PTPN12: variants seen among roughly 807,000 people sequenced by gnomAD.
The protein encoded by PTPN12 is tyrosine-protein phosphatase non-receptor type 12.
A neutral mutation model predicts 97.6 loss-of-function variants in PTPN12; 29 were observed. The observed-to-expected ratio is 0.30, with a 90% confidence interval of 0.22 to 0.41. PTPN12 has a LOEUF of 0.41. Among genes scored for constraint, PTPN12 ranks in the 10% least tolerant of loss-of-function variants. PTPN12 has a pLI of 1.00. For synonymous variants in PTPN12, 327 were observed against 300.4 expected (o/e 1.09, Z -0.91); for missense variants, 819 against 926.0 (o/e 0.88, Z 1.50).
chr7:77,567,243 T>C (rs1229584802), intron 1 of PTPN12, among the ~76,000 whole-genome samples: 1 of 151,092 alleles, frequency 6.6e-6, no homozygotes, highest in East Asian at 1.9e-4. Context: ...CTTAATCTGG[T>C]GGTAATTTTG....
At chr7:77,598,119 C>G (rs1002706015) in intron 7 of PTPN12, among the ~76,000 whole-genome samples, 2 of 152,076 alleles carry the variant, frequency 1.3e-5, no homozygotes, top group Non-Finnish European at 2.9e-5. Flanking sequence ...CCCACTCACT[C>G]AGAAGGCTGA....
intron 8 of PTPN12, among the ~76,000 whole-genome samples, chr7:77,604,525 T>TGG (rs1788297806): frequency 6.6e-6 from 1 of 152,080 alleles, no homozygotes; most frequent in Non-Finnish European, 1.5e-5. Context: ...CATCTTTTAA[T>TGG]AGTTATACAA....
intron 16 of PTPN12, among the ~76,000 whole-genome samples, chr7:77,637,480 A>G (rs1188277542): frequency 6.6e-6 from 1 of 152,210 alleles, no homozygotes; most frequent in Non-Finnish European, 1.5e-5. Flanking sequence ...AATGAATTTT[A>G]GTAGTTAACA....
chr7:77,542,830 A>G (rs1401890737), intron 1 of PTPN12, among the ~76,000 whole-genome samples: 1 of 152,230 alleles, frequency 6.6e-6, no homozygotes, highest in Admixed American at 6.5e-5. Context: ...GACATCCAGT[A>G]GAAATGTAGA....
chr7:77,626,778 A>ACACCTTCTCCCCCTT lies in PTPN12; in HGVS notation c.1102_1116dup (p.Pro368_Ser372dup). The ACACCTTCTCCCCCTT allele has an allele frequency of 1.2e-6, 2 of 1,613,900 alleles. No individual in the cohort carries two copies. The highest frequency in any genetic ancestry group is 1.7e-6 in the Non-Finnish European group (2 of 1,179,860). On this transcript the variant is annotated inframe_insertion, in exon 13 of 18. Transcript: ENST00000248594. ...ACCTCATCCAGTGCCACCCATCTTG[A>ACACCTTCTCCCCCTT]CACCTTCTCCCCCTTCAGCTTTTCC...
intron 1 of PTPN12, among the ~76,000 whole-genome samples, chr7:77,554,193 G>A (rs1161486215): frequency 1.3e-5 from 2 of 152,092 alleles, no homozygotes; most frequent in Non-Finnish European, 2.9e-5. Context: ...TCAAACTCCT[G>A]GCCTCAAGCA....
chr7:77,588,760 T>C (rs1306546674), intron 5 of PTPN12, among the ~76,000 whole-genome samples: 5 of 152,220 alleles, frequency 3.3e-5, no homozygotes, highest in Admixed American at 2.0e-4. Flanking sequence ...ACTAGAATGC[T>C]ATCTATGGAC....
intron 17 of PTPN12, 134 bp downstream of exon 17, chr7:77,638,865 A>G: frequency 1.5e-6 from 2 of 1,301,694 alleles, no homozygotes; most frequent in Non-Finnish European, 2.0e-6. Context: ...CTAGTCATGA[A>G]ATAAATGAAA....
chr7:77,599,147 C>T (rs963594611), intron 7 of PTPN12, among the ~76,000 whole-genome samples: 5 of 151,808 alleles, frequency 3.3e-5, no homozygotes, highest in African/African-American at 1.2e-4. Context: ...GTTATACCTT[C>T]TTTGCAGCAA....
In PTPN12 at chr7:77,583,665, T is replaced by C. The variant is rs373274797; in HGVS notation, c.381+15T>C. 2.7e-5 allele frequency: 40 copies of C among 1,485,260 alleles called. No homozygotes were observed. In the African/African-American group the frequency reaches 5.0e-4, roughly 19 times the overall value. The allele number at this position is 1,485,260 out of a possible 1,614,324, so 92.0% of individuals were successfully genotyped here. On this transcript the variant is annotated intron_variant, in intron 4 of 17. Coordinates refer to ENST00000248594, the MANE Select transcript of PTPN12 (RefSeq NM_002835.4). ...ATAATGTTGTGGTAAGTAATTTACT[T>C]TTCACAATAAATTTTGAGAAATACT...
intron 8 of PTPN12, among the ~76,000 whole-genome samples, chr7:77,604,302 G>A (rs1005490990): frequency 7.8e-6 from 1 of 127,536 alleles, no homozygotes; most frequent in Non-Finnish European, 1.5e-5. Context: ...TGCAACCTCT[G>A]CCTCCTGGGT....
intron 9 of PTPN12, 60 bp downstream of exon 9, chr7:77,607,361 T>A: frequency 8.3e-7 from 1 of 1,206,778 alleles, no homozygotes. Context: ...TCAAACTTAA[T>A]TATAATTGCA....
At chr7:77,561,662 T>G (rs1352422138) in intron 1 of PTPN12, among the ~76,000 whole-genome samples, 1 of 152,170 alleles carries the variant, frequency 6.6e-6, no homozygotes, top group African/African-American at 2.4e-5. Flanking sequence ...TTGGGAGTCT[T>G]TGTTTTATAT....
rs932653345 is a variant in PTPN12, at chr7:77,637,176, G to C, written c.2173+128G>C. On this transcript the variant is annotated intron_variant, in intron 16 of 17. Coordinates refer to ENST00000248594, the MANE Select transcript of PTPN12 (RefSeq NM_002835.4). ...TGTGAAAATGTCTAGGACAACTCTTGTAGAAGCTTAATATTGTACTATAAT... is the reference window on the plus strand; with the variant it reads ...TGTGAAAATGTCTAGGACAACTCTTCTAGAAGCTTAATATTGTACTATAAT... 5.4e-5 allele frequency: 38 copies of C among 707,974 alleles called. No homozygotes were observed. In the South Asian group the frequency reaches 6.7e-4, roughly 12 times the overall value. The allele number at this position is 707,974 out of a possible 1,614,324, so 43.9% of individuals were successfully genotyped here. A position where few individuals can be genotyped will look rare whatever the true frequency, so the allele number is the denominator to read the frequency against.
At chr7:77,639,169 T>A in intron 17 of PTPN12, 50 bp from the exon 18 acceptor site, 7 of 1,413,292 alleles carry the variant, frequency 5.0e-6, no homozygotes, top group Non-Finnish European at 6.9e-6. Flanking sequence ...TTTTAGTAGT[T>A]TGAAAGTATT....
chr7:77,570,136 GA>G (rs1319265364), intron 1 of PTPN12, among the ~76,000 whole-genome samples: 2 of 151,968 alleles, frequency 1.3e-5, no homozygotes, highest in Non-Finnish European at 2.9e-5. Context: ...TTATCATAAA[GA>G]AAAAAATGTA....
rs751962814 is a variant in PTPN12, at chr7:77,605,409, GTTTTTTTTT to G, written c.696-1806_696-1798del. Among the ~76,000 whole-genome samples the G allele has an allele frequency of 2.5e-3, 235 of 95,536 alleles. 14 individuals carry two copies. The highest frequency in any genetic ancestry group is 8.3e-3 in the African/African-American group (201 of 24,234). The allele number at this position is 95,536 out of a possible 152,430, so 62.7% of individuals were successfully genotyped here. On this transcript the variant is annotated intron_variant, in intron 8 of 17. Transcript: ENST00000248594. ...TTACTTTAAAATACTTTTGTCATGA[GTTTTTTTTT>G]TTTTTTTTTTTTTTTTTTTGAGACG...
In PTPN12 at chr7:77,597,831, T is replaced by C. The variant is rs1034950622; in HGVS notation, c.493-11T>C. 6.2e-7 allele frequency: 1 copy of C among 1,604,740 alleles called. No individual in the cohort carries two copies. The highest frequency in any genetic ancestry group is 2.2e-5 in the East Asian group (1 of 44,630). ...GTTTTCACTGACTTAGAAATGTTTCTCTTTATTTAGGAGGATGAACAAGCA... is the reference window on the plus strand; with the variant it reads ...GTTTTCACTGACTTAGAAATGTTTCCCTTTATTTAGGAGGATGAACAAGCA... On this transcript the variant is annotated splice_polypyrimidine_tract_variant and intron_variant, in intron 6 of 17. Transcript: ENST00000248594.
chr7:77,617,400 CTA>C (rs1354435532), intron 11 of PTPN12, among the ~76,000 whole-genome samples: 2 of 152,138 alleles, frequency 1.3e-5, no homozygotes, highest in East Asian at 1.9e-4. Flanking sequence ...ATGTATAAAA[CTA>C]TTAATTCATC....
Sources: allele counts gnomAD v4.1 joint callset (sites outside exome capture counted in the v4.1 genomes callset), GRCh38; gene constraint gnomAD v4.1.1; transcripts MANE v1.5; gene names NCBI Gene and HGNC (gene_info 2026-07-23, HGNC 2026-07-21).